Variants in SEPTIN1 observed in about 807,000 individuals in gnomAD.
The protein encoded by SEPTIN1 is septin 1.
Under a neutral mutation model 50.7 loss-of-function variants are expected in SEPTIN1, and 52 were observed. The ratio of observed to expected loss-of-function variants is 1.03; its 90% CI spans 0.82 to 1.29. The LOEUF (loss-of-function observed/expected upper bound fraction) is 1.29. Ranked by LOEUF, SEPTIN1 falls within the 50% of genes most tolerant of loss-of-function variation. The probability of loss-of-function intolerance (pLI) is 0.00; values close to 1 mark genes in which losing one functional copy is unlikely to be tolerated. For missense variants in SEPTIN1, 455 were observed against 490.7 expected, an observed-to-expected ratio of 0.93 and a Z score of 0.69; for synonymous variants, 204 against 189.1, an observed-to-expected ratio of 1.08 and a Z score of -0.65.
chr16:30,378,985 G>T, intron 9 of SEPTIN1, 33 bp downstream of exon 9: 1 of 1,597,398 alleles, frequency 6.3e-7, no homozygotes, highest in Non-Finnish European at 8.5e-7. Context: ...GCGGGACCTT[G>T]GAGGCTCTGA....
In SEPTIN1 at chr16:30,379,950, C is replaced by A. The variant is rs770275867; in HGVS notation, c.657G>T (p.Arg219Ser). The A allele has an allele frequency of 1.9e-6, 3 of 1,567,498 alleles. No individual in the cohort carries two copies. The highest frequency in any genetic ancestry group is 2.2e-5 in the East Asian group (1 of 44,560). The change falls in exon 7 of 11, where the codon AGG becomes AGT. Residue 219 changes from arginine to serine, a missense_variant. Coordinates refer to ENST00000321367, the MANE Select transcript of SEPTIN1 (RefSeq NM_001365977.2). Reference sequence around the variant, plus strand: ...CCCACACCTTCATCTCTGCATCCTGCCTCTTGAAGTCTTCATCTTCATCAG... The same window carrying A: ...CCCACACCTTCATCTCTGCATCCTGACTCTTGAAGTCTTCATCTTCATCAG... The part of the protein sequence containing the change: ...CDSDEDEDFK[R>S]QDAEMKESIP...
chr16:30,378,355 C>T lies in SEPTIN1; in HGVS notation c.*79G>A. The T allele has an allele frequency of 1.5e-6, 2 of 1,355,002 alleles. No individual in the cohort carries two copies. The highest frequency in any genetic ancestry group is 5.0e-5 in the East Asian group (2 of 39,674). The allele number at this position is 1,355,002 out of a possible 1,614,324, so 83.9% of individuals were successfully genotyped here. Reference sequence around the variant, plus strand: ...GCACCCGCGGAGGTCCCGGGGGGCGCTGGGCAGTGTGGGGCGCGGGGATTG... The same window carrying T: ...GCACCCGCGGAGGTCCCGGGGGGCGTTGGGCAGTGTGGGGCGCGGGGATTG... On this transcript the variant is annotated 3_prime_UTR_variant, in exon 11 of 11. Transcript: ENST00000321367.
Position 30,381,590 on chromosome 16 carries a change from G to A in SEPTIN1, c.321-117C>T, listed in dbSNP as rs1381354139. ...CTTTGGCTCCCTCCAAAGACATTAA[G>A]GGGAACTGGTGGGGGCCTAGGTGAG... On this transcript the variant is annotated intron_variant, in intron 4 of 10. Coordinates refer to ENST00000321367, the MANE Select transcript of SEPTIN1 (RefSeq NM_001365977.2). The surrounding 1 kb of genome is among the most constrained non-coding windows in gnomAD (Gnocchi z 4.3). 2.0e-6 allele frequency: 3 copies of A among 1,484,090 alleles called. No homozygotes were observed. Among genetic ancestry groups the A allele is most frequent in the African/African-American group, 2.8e-5 (2 of 72,182 alleles). The allele number at this position is 1,484,090 out of a possible 1,614,324, so 91.9% of individuals were successfully genotyped here. A position where few individuals can be genotyped will look rare whatever the true frequency, so the allele number is the denominator to read the frequency against.
Position 30,381,950 on chromosome 16 carries a change from T to C in SEPTIN1, c.197-67A>G. The C allele has an allele frequency of 6.2e-7, 1 of 1,608,418 alleles. No individual in the cohort carries two copies. The stretch of plus-strand genomic sequence containing the variant: ...AGGCAGAATTAATTTCCTTTGTCAA[T>C]ATCACAGTTGCCTGCACCCATTTCC... On this transcript the variant is annotated intron_variant, in intron 3 of 10. Transcript: ENST00000321367. The surrounding 1 kb of genome is among the most constrained non-coding windows in gnomAD (Gnocchi z 4.3).
chr16:30,382,792 CGTG>C, upstream of SEPTIN1: 1 of 1,535,618 alleles, frequency 6.5e-7, no homozygotes, highest in Non-Finnish European at 8.7e-7. This position sits in a 1 kb window ranked among gnomAD's most constrained non-coding sequence, Gnocchi z 4.8. Context: ...GCTCCATCAT[CGTG>C]GTGAGACATG....
In SEPTIN1 at chr16:30,378,641, G is replaced by T. The variant is rs767169336; in HGVS notation, c.1001C>A (p.Thr334Asn). The T allele has an allele frequency of 8.7e-6, 14 of 1,610,652 alleles. No homozygotes were observed. The highest frequency in any genetic ancestry group is 1.2e-5 in the Non-Finnish European group (14 of 1,179,946). ...IPLPMLPLADTEKLIREKDEE... is the reference protein window; with the variant it reads ...IPLPMLPLADNEKLIREKDEE... ...GTCTTTCTCGCGGATCAGCTTCTCGGTGTCCGCCAGAGGCAGCATGGGCAG... is the reference window on the plus strand; with the variant it reads ...GTCTTTCTCGCGGATCAGCTTCTCGTTGTCCGCCAGAGGCAGCATGGGCAG... Residue 334 changes from threonine to asparagine, a missense_variant, in exon 10 of 11, where the codon ACC (threonine) becomes AAC (asparagine). Coordinates refer to ENST00000321367, the MANE Select transcript of SEPTIN1 (RefSeq NM_001365977.2).
chr16:30,381,964 G>A lies in SEPTIN1; in HGVS notation c.197-81C>T. 6.2e-7 allele frequency: 1 copy of A among 1,605,126 alleles called. No individual in the cohort carries two copies. Among genetic ancestry groups the A allele is most frequent in the Non-Finnish European group, 8.5e-7 (1 of 1,174,508 alleles). On this transcript the variant is annotated intron_variant, in intron 3 of 10. Coordinates refer to ENST00000321367, the MANE Select transcript of SEPTIN1 (RefSeq NM_001365977.2). This position sits in a 1 kb window ranked among gnomAD's most constrained non-coding sequence, Gnocchi z 4.3. ...TCCTTTGTCAATATCACAGTTGCCT[G>A]CACCCATTTCCCAGGGGAGGAAAGT...
Position 30,378,708 on chromosome 16 carries a change from A to C in SEPTIN1, c.942-8T>G. 6.2e-7 allele frequency: 1 copy of C among 1,604,732 alleles called. No homozygotes were observed. The highest frequency in any genetic ancestry group is 8.5e-7 in the Non-Finnish European group (1 of 1,179,158). On this transcript the variant is annotated splice_region_variant and splice_polypyrimidine_tract_variant and intron_variant, in intron 9 of 10. Coordinates refer to ENST00000321367, the MANE Select transcript of SEPTIN1 (RefSeq NM_001365977.2). The stretch of plus-strand genomic sequence containing the variant: ...CTCTGGCGGGAAAGCTTACTGCGGG[A>C]CAGTGGGAAGGGGACAGGAATCAGG...
chr16:30,380,034 C>G lies in SEPTIN1; in HGVS notation c.574-1G>C. ...CCTCTTCCTTCAACTGATCCCGGAT[C>G]TCAGGGGAAACAGATATAGAGACAG... is the stretch of plus-strand genomic sequence containing the variant. On this transcript the variant is annotated splice_acceptor_variant, in intron 6 of 10. Coordinates refer to ENST00000321367, the MANE Select transcript of SEPTIN1 (RefSeq NM_001365977.2). LOFTEE classifies it high-confidence loss of function. 1 of 1,609,322 alleles carries G rather than the reference C, an allele frequency of 6.2e-7. No homozygotes were observed.
chr16:30,378,704 C>T lies in SEPTIN1; in HGVS notation c.942-4G>A. 2 of 1,605,278 alleles carry T rather than the reference C, an allele frequency of 1.2e-6. No homozygotes were observed. Among genetic ancestry groups the T allele is most frequent in the Middle Eastern group, 1.7e-4 (1 of 6,052 alleles). On this transcript the variant is annotated splice_region_variant and splice_polypyrimidine_tract_variant and intron_variant, in intron 9 of 10. Transcript: ENST00000321367. ...GGCGCTCTGGCGGGAAAGCTTACTG[C>T]GGGACAGTGGGAAGGGGACAGGAAT...
rs186209095 is a variant in SEPTIN1, at chr16:30,379,241, C to G, written c.776-58G>C. On this transcript the variant is annotated intron_variant, in intron 8 of 10. Transcript: ENST00000321367. ...CAGGGAGTTTCGGGTCCAACCCACC[C>G]GTAAGGGTCGGGTCTACAGGAAAGT... is the stretch of plus-strand genomic sequence containing the variant. The G allele has an allele frequency of 8.1e-6, 13 of 1,598,656 alleles. No individual in the cohort carries two copies. The East Asian group carries it at 1.3e-4, about 16-fold the overall frequency.
rs773118369 is a variant in SEPTIN1 at position 30,378,712 on chromosome 16, T to C, written c.942-12A>G. On this transcript the variant is annotated splice_polypyrimidine_tract_variant and intron_variant, in intron 9 of 10. Transcript: ENST00000321367. ...GGCGGGAAAGCTTACTGCGGGACAG[T>C]GGGAAGGGGACAGGAATCAGGAGCG... 1 of 1,598,390 alleles carries C rather than the reference T, an allele frequency of 6.3e-7. No individual in the cohort carries two copies. The highest frequency in any genetic ancestry group is 1.7e-5 in the Admixed American group (1 of 59,402).
In SEPTIN1 at chr16:30,382,164, C is replaced by T. The variant is rs1299124810; in HGVS notation, c.125G>A (p.Gly42Glu). 1.9e-6 allele frequency: 3 copies of T among 1,606,268 alleles called. No homozygotes were observed. The highest frequency in any genetic ancestry group is 1.7e-6 in the Non-Finnish European group (2 of 1,176,432). ...GAGGCTGTTGATGAGGGTGGATTTC[C>T]CTAGGCCTGACTCCCCTGTGGACAG... ...TLMVAGESGL[G>E]KSTLINSLFL... The change falls in exon 3 of 11, where the codon GGG becomes GAG. Residue 42 changes from glycine to glutamate, a missense_variant. Transcript: ENST00000321367. This position sits in a 1 kb window ranked among gnomAD's most constrained non-coding sequence, Gnocchi z 4.8.
At chr16:30,379,393 G>A in intron 8 of SEPTIN1, 42 bp downstream of exon 8, 1 of 1,557,964 alleles carries the variant, frequency 6.4e-7, no homozygotes, top group Non-Finnish European at 8.8e-7. Context: ...AGAGGCCCCG[G>A]GCTCCCTGCT....
rs998836557 is a variant in SEPTIN1 at position 30,379,116 on chromosome 16, G to C, written c.843C>G (p.Asp281Glu). ...RRMLVQTHLQ[D>E]LKEVTHDLLY... ...GCAGATCGTGCGTCACCTCTTTCAG[G>C]TCCTGCAGGTGTGTCTGCACCAGCA... Residue 281 changes from aspartate (D) to glutamate (E), a missense_variant, in exon 9 of 11, where the codon GAC (aspartate) becomes GAG (glutamate). Transcript: ENST00000321367. 1.2e-6 allele frequency: 2 copies of C among 1,614,018 alleles called. No homozygotes were observed. Among genetic ancestry groups the C allele is most frequent in the Admixed American group, 3.3e-5 (2 of 60,002 alleles).
intron 6 of SEPTIN1, chr16:30,380,525 C>G (rs1304180855): frequency 1.3e-5 from 2 of 158,720 alleles, no homozygotes; most frequent in African/African-American, 4.8e-5. Context: ...TTGTCTTAAA[C>G]TCTTCAGCTC....
chr16:30,381,854 G>A lies in SEPTIN1; in HGVS notation c.226C>T (p.Arg76Cys), dbSNP rs1464036663. ...CCTTCCTCAATCTCTACGCCCCGGC[G>A]CTCAATGGCCAGGGTCTGTGTCAAG... ...ARLTQTLAIE[R>C]RGVEIEEGGV... Residue 76 changes from arginine to cysteine, a missense_variant, in exon 4 of 11, where the codon CGC becomes TGC. Arg to Cys is a radical substitution (Grantham distance 180, BLOSUM62 -3). Coordinates refer to ENST00000321367, the MANE Select transcript of SEPTIN1 (RefSeq NM_001365977.2). This position sits in a 1 kb window ranked among gnomAD's most constrained non-coding sequence, Gnocchi z 4.3. 10 of 1,614,028 alleles carry A rather than the reference G, an allele frequency of 6.2e-6. No individual in the cohort carries two copies. Among genetic ancestry groups the A allele is most frequent in the East Asian group, 2.2e-5 (1 of 44,896 alleles).
intron 6 of SEPTIN1, chr16:30,380,547 T>C (rs2049830032): frequency 6.4e-6 from 1 of 157,428 alleles, no homozygotes; most frequent in Non-Finnish European, 1.4e-5. Context: ...AGCAGTCCAC[T>C]GACCTCAGCC....
chr16:30,378,547 G>A (rs1315773671), intron 10 of SEPTIN1, 27 bp from the exon 11 acceptor site: 1 of 1,601,748 alleles, frequency 6.2e-7, no homozygotes, highest in Non-Finnish European at 8.5e-7. Flanking sequence ...TGCAGGCGGT[G>A]ACCTGGCGAA....
Sources: gnomAD v4.1 joint callset for allele counts on GRCh38, gnomAD v4.1.1 for gene constraint, Gnocchi (gnomAD v3.1) non-coding constraint, MANE v1.5 for transcripts, NCBI Gene and HGNC (gene_info 2026-07-23, HGNC 2026-07-21) for gene names.